Variants in MAP3K21 observed in about 807,000 individuals in gnomAD.
The protein encoded by MAP3K21 is mitogen-activated protein kinase kinase kinase MLK4.
Under a neutral mutation model 86.1 loss-of-function variants are expected in MAP3K21, and 63 were observed. That is an observed-to-expected ratio of 0.73 (90% CI 0.60 to 0.90). The LOEUF (loss-of-function observed/expected upper bound fraction) is 0.90. MAP3K21 is among the 40% of genes least tolerant of loss of function. The pLI, the probability that MAP3K21 is intolerant of heterozygous loss-of-function variation, is 0.00. For synonymous variants in MAP3K21, 558 were observed against 564.8 expected (o/e 0.99, Z 0.17); for missense variants, 1,220 against 1,367.7 (o/e 0.89, Z 1.70).
intron 1 of MAP3K21, among the ~76,000 whole-genome samples, chr1:233,332,407 A>T (rs1662822652): frequency 6.6e-6 from 1 of 152,048 alleles, no homozygotes; most frequent in Admixed American, 6.6e-5. Context: ...AGGCAAAGGA[A>T]AGAGGAAGCA....
chr1:233,370,395 A>G (rs1038289338), intron 5 of MAP3K21, among the ~76,000 whole-genome samples: 1 of 152,212 alleles, frequency 6.6e-6, no homozygotes, highest in Non-Finnish European at 1.5e-5. Context: ...CATAACCTGG[A>G]ATATAAATTT....
In MAP3K21 at chr1:233,375,932, C is replaced by G; in HGVS notation, c.1692C>G (p.Ser564Arg). 6.2e-7 allele frequency: 1 copy of G among 1,611,146 alleles called. No homozygotes were observed. Among genetic ancestry groups the G allele is most frequent in the East Asian group, 2.2e-5 (1 of 44,722 alleles). Residue 564 changes from serine (S) to arginine (R), a missense_variant, in exon 7 of 10, where the codon AGC becomes AGG. Physicochemically the swap from Ser to Arg is moderately radical, Grantham distance 110 (BLOSUM62 -1). This residue lies in a region of MAP3K21 where 632 missense variants were observed against 691.3 expected (regional missense o/e 0.91). Coordinates refer to ENST00000366624, the MANE Select transcript of MAP3K21 (RefSeq NM_032435.3). Reference sequence around the variant, plus strand: ...TCTTTTTAGTGACTTCAGATGAAAGCAATAAAACTTGGGGAAGGAACACAG... The same window carrying G: ...TCTTTTTAGTGACTTCAGATGAAAGGAATAAAACTTGGGGAAGGAACACAG... ...LRAIQLTSDE[S>R]NKTWGRNTVF...
At chr1:233,338,589 G>A (rs781117817) in intron 1 of MAP3K21, among the ~76,000 whole-genome samples, 10 of 152,192 alleles carry the variant, frequency 6.6e-5, no homozygotes, top group Non-Finnish European at 1.2e-4. Context: ...ATCTAAGTAA[G>A]TGAGGAAATG....
Position 233,362,178 on chromosome 1 carries a change from T to A in MAP3K21, c.1437T>A (p.Leu479=). Residue 479 remains leucine, a synonymous_variant, in exon 5 of 10, where the codon CTT becomes CTA. Coordinates refer to ENST00000366624, the MANE Select transcript of MAP3K21 (RefSeq NM_032435.3). Reference sequence around the variant, plus strand: ...AGATCGACGTGCTGGAGCGGGAACTTAACATTCTGATATTCCAGCTAAACC... The same window carrying A: ...AGATCGACGTGCTGGAGCGGGAACTAAACATTCTGATATTCCAGCTAAACC... ...EREIDVLERE[L]NILIFQLNQE... 2.5e-6 allele frequency: 4 copies of A among 1,614,204 alleles called. No homozygotes were observed. The highest frequency in any genetic ancestry group is 3.4e-6 in the Non-Finnish European group (4 of 1,180,044).
intron 6 of MAP3K21, among the ~76,000 whole-genome samples, chr1:233,375,336 G>A (rs1202421406): frequency 6.6e-6 from 1 of 152,112 alleles, no homozygotes; most frequent in Non-Finnish European, 1.5e-5. Context: ...CGTCCTGTGA[G>A]GTAGTGAAAA....
chr1:233,383,705 A>C lies in MAP3K21; in HGVS notation c.*994A>C, dbSNP rs187481644. Reference sequence around the variant, plus strand: ...TCTATTTGAGTGCATAATTATCCTAATAATCCCAAAGACACTGACAACTCA... The same window carrying C: ...TCTATTTGAGTGCATAATTATCCTACTAATCCCAAAGACACTGACAACTCA... On this transcript the variant is annotated 3_prime_UTR_variant, in exon 10 of 10. Transcript: ENST00000366624. 1.2e-4 allele frequency: 19 copies of C among 152,296 alleles called. No individual in the cohort carries two copies. Among genetic ancestry groups the C allele is most frequent in the African/African-American group, 1.9e-4 (8 of 41,568 alleles). 9.4% of individuals were successfully genotyped at this position (152,296 alleles called of 1,614,324 possible). A position where few individuals can be genotyped will look rare whatever the true frequency, so the allele number is the denominator to read the frequency against.
At chr1:233,339,473 T>TC (rs1662994847) in intron 1 of MAP3K21, among the ~76,000 whole-genome samples, 6 of 23,338 alleles carry the variant, frequency 2.6e-4, no homozygotes, top group African/African-American at 3.8e-4. Context: ...TCCTTCTCCT[T>TC]CTTCTTCTTC....
rs1025809575 is a variant in MAP3K21 at position 233,328,595 on chromosome 1, G to T, written c.567G>T (p.Val189=). The change falls in exon 1 of 10, where the codon GTG becomes GTT. Residue 189 remains valine, a synonymous_variant. Coordinates refer to ENST00000366624, the MANE Select transcript of MAP3K21 (RefSeq NM_032435.3). This position sits in a 1 kb window ranked among gnomAD's most constrained non-coding sequence, Gnocchi z 8.7. ...CCAACATCATCGAGCTGCGCGGCGT[G>T]TGCCTGCAGCAGCCGCACCTCTGCC... ...RHPNIIELRG[V]CLQQPHLCLV... The T allele has an allele frequency of 6.6e-7, 1 of 1,514,246 alleles. No individual in the cohort carries two copies. 93.8% of individuals were successfully genotyped at this position (1,514,246 alleles called of 1,614,324 possible). A position where few individuals can be genotyped will look rare whatever the true frequency, so the allele number is the denominator to read the frequency against.
chr1:233,336,414 G>A (rs573572579), intron 1 of MAP3K21, among the ~76,000 whole-genome samples: 2 of 152,122 alleles, frequency 1.3e-5, no homozygotes, highest in African/African-American at 4.8e-5. Context: ...GGTGGTGGGT[G>A]CCTGTAATCT....
rs986623224 is a variant in MAP3K21 at position 233,376,629 on chromosome 1, A to C, written c.1924+102A>C. ...TCTTACGTGGTCATTAAAGTAGCAG[A>C]GGGGAGATTAGCAAGTAATGGCATT... On this transcript the variant is annotated intron_variant, in intron 8 of 9. Coordinates refer to ENST00000366624, the MANE Select transcript of MAP3K21 (RefSeq NM_032435.3). 35 of 690,586 alleles carry C rather than the reference A, an allele frequency of 5.1e-5. No individual in the cohort carries two copies. In the African/African-American group the frequency reaches 6.2e-4, roughly 12 times the overall value. The allele number at this position is 690,586 out of a possible 1,614,324, so 42.8% of individuals were successfully genotyped here.
intron 4 of MAP3K21, among the ~76,000 whole-genome samples, chr1:233,358,766 G>C (rs1245060438): frequency 6.6e-6 from 1 of 151,730 alleles, no homozygotes; most frequent in Admixed American, 6.6e-5. Context: ...CTGCACTCCA[G>C]CCTGGGCGAC....
chr1:233,354,356 T>C (rs1663306333), intron 3 of MAP3K21, among the ~76,000 whole-genome samples: 2 of 152,214 alleles, frequency 1.3e-5, no homozygotes, highest in South Asian at 2.1e-4. Flanking sequence ...TTTATCCTTA[T>C]CTTTAAAAAT....
chr1:233,353,734 T>G (rs1663294048), intron 2 of MAP3K21, 73 bp from the exon 3 acceptor site: 1 of 1,362,904 alleles, frequency 7.3e-7, no homozygotes, highest in Non-Finnish European at 9.7e-7. Flanking sequence ...ACTGAAGGGT[T>G]TATCTCACTA....
intron 1 of MAP3K21, among the ~76,000 whole-genome samples, chr1:233,330,443 TA>T (rs1418253660): frequency 1.3e-5 from 2 of 152,218 alleles, no homozygotes; most frequent in East Asian, 1.9e-4. Flanking sequence ...AATATATATA[TA>T]TTTTTTTCAA....
chr1:233,327,798 C>A lies in MAP3K21; in HGVS notation c.-231C>A, dbSNP rs1000141181. On this transcript the variant is annotated 5_prime_UTR_variant, in exon 1 of 10. Coordinates refer to ENST00000366624, the MANE Select transcript of MAP3K21 (RefSeq NM_032435.3). Reference sequence around the variant, plus strand: ...CCTGGGCACGACCATGGTGGGACGTCGCCCGCGGCTTCGGGGACCGCTGCG... The same window carrying A: ...CCTGGGCACGACCATGGTGGGACGTAGCCCGCGGCTTCGGGGACCGCTGCG... 1.5e-5 allele frequency: 5 copies of A among 339,208 alleles called. No individual in the cohort carries two copies. Among genetic ancestry groups the A allele is most frequent in the East Asian group, 4.6e-5 (1 of 21,620 alleles). The allele number at this position is 339,208 out of a possible 1,614,324, so 21.0% of individuals were successfully genotyped here.
In MAP3K21 at chr1:233,332,348, C is replaced by T. The variant is rs111747863; in HGVS notation, c.805+3515C>T. Among the ~76,000 whole-genome samples, 582 of 152,104 alleles carry T rather than the reference C, an allele frequency of 3.8e-3. 3 individuals carry two copies. The highest frequency in any genetic ancestry group is 0.012 in the African/African-American group (516 of 41,478). On this transcript the variant is annotated intron_variant, in intron 1 of 9. Coordinates refer to ENST00000366624, the MANE Select transcript of MAP3K21 (RefSeq NM_032435.3). Reference sequence around the variant, plus strand: ...GGTGCTGTTTCACACAGGGGCTCTCCAGGGAAGGCACTCCGAGGAAGGACC... The same window carrying T: ...GGTGCTGTTTCACACAGGGGCTCTCTAGGGAAGGCACTCCGAGGAAGGACC...
At chr1:233,357,813 C>T (rs1205364851) in intron 4 of MAP3K21, among the ~76,000 whole-genome samples, 1 of 152,186 alleles carries the variant, frequency 6.6e-6, no homozygotes, top group Non-Finnish European at 1.5e-5. Flanking sequence ...CAGAGTTACG[C>T]AGTAGGACTT....
rs562126234 is a variant in MAP3K21 at position 233,376,063 on chromosome 1, A to G, written c.1823A>G (p.Glu608Gly). 938 of 1,602,284 alleles carry G rather than the reference A, an allele frequency of 5.9e-4. 16 individuals are homozygous for G. The South Asian group carries it at 0.01, about 17-fold the overall frequency. ...ATGAAAGATAGAACAGATTGCAAAG[A>G]AAGGTACGTGTGTGGTATCTGGTGG... ...IQMKDRTDCKERIRPLSDGNS... is the reference protein window; with the variant it reads ...IQMKDRTDCKGRIRPLSDGNS... Residue 608 changes from glutamate (E) to glycine (G), a missense_variant, in exon 7 of 10, where the codon GAA becomes GGA. Transcript: ENST00000366624.
chr1:233,363,086 G>C (rs962829051), intron 5 of MAP3K21, among the ~76,000 whole-genome samples: 1 of 152,094 alleles, frequency 6.6e-6, no homozygotes, highest in African/African-American at 2.4e-5. Flanking sequence ...ATTCTTTCTA[G>C]TACCAGAGCA....
Sources: gnomAD v4.1 joint callset for allele counts (sites outside exome capture counted in the v4.1 genomes callset) on GRCh38, gnomAD v4.1.1 for gene constraint, gnomAD v4.1.1 regional missense constraint, Gnocchi (gnomAD v3.1) non-coding constraint, MANE v1.5 for transcripts, NCBI Gene and HGNC (gene_info 2026-07-23, HGNC 2026-07-21) for gene names.